The following PDZD2 variants were observed in gnomAD, a reference collection of about 807,000 sequenced individuals.
PDZD2 encodes the protein PDZ domain containing 2, also known as PDZ domain-containing protein 2.
PDZD2 carries 90 observed loss-of-function variants against 220.7 expected under a neutral mutation model. The observed-to-expected ratio is 0.41, with a 90% CI of 0.34 to 0.49. PDZD2 has a LOEUF of 0.49. Ranked by LOEUF, PDZD2 falls within the 20% of genes least tolerant of loss-of-function variation. The pLI, the probability that PDZD2 is intolerant of heterozygous loss-of-function variation, is 0.28. For synonymous variants in PDZD2, 1,375 were observed against 1,450.5 expected (o/e 0.95, Z 1.18); for missense variants, 3,174 against 3,608.5 (o/e 0.88, Z 3.08).
intron 1 of PDZD2, among the ~76,000 whole-genome samples, chr5:31,651,768 A>G (rs1052088581): frequency 6.6e-6 from 1 of 151,796 alleles, no homozygotes; most frequent in African/African-American, 2.4e-5. Flanking sequence ...AGTAGCTGGG[A>G]CTATAGTATG....
intron 2 of PDZD2, among the ~76,000 whole-genome samples, chr5:31,864,461 A>C (rs1738005874): frequency 6.6e-6 from 1 of 151,566 alleles, no homozygotes; most frequent in Non-Finnish European, 1.5e-5. Context: ...ATATAATCTT[A>C]ATTGTCATGC....
At chr5:31,678,584 T>G (rs1419003707) in intron 1 of PDZD2, among the ~76,000 whole-genome samples, 3 of 152,140 alleles carry the variant, frequency 2.0e-5, no homozygotes, top group Non-Finnish European at 4.4e-5. Context: ...CAGCACCCCC[T>G]ACAGCCTGGG....
At chr5:31,855,200 A>T in intron 2 of PDZD2, 5 of 788,726 alleles carry the variant, frequency 6.3e-6, no homozygotes, top group Non-Finnish European at 7.7e-6. Flanking sequence ...CGAAAGCCTC[A>T]GGTTTTCTGA....
intron 2 of PDZD2, among the ~76,000 whole-genome samples, chr5:31,843,016 C>A (rs537163629): frequency 2.3e-4 from 35 of 151,354 alleles, no homozygotes; most frequent in African/African-American, 8.5e-4. Context: ...CGAGTAGCTG[C>A]GATTACAGGC....
At chr5:31,644,026 T>A (rs565989572) in intron 1 of PDZD2, among the ~76,000 whole-genome samples, 31 of 151,782 alleles carry the variant, frequency 2.0e-4, no homozygotes, top group Non-Finnish European at 4.4e-4. Context: ...AGAGATGGGG[T>A]TTTACCATGT....
At chr5:31,903,637 C>T (rs1389385708) in intron 2 of PDZD2, among the ~76,000 whole-genome samples, 1 of 113,638 alleles carries the variant, frequency 8.8e-6, no homozygotes, top group Admixed American at 9.6e-5. Context: ...AGAGTGAGAC[C>T]CTGTCTCAAA....
intron 2 of PDZD2, among the ~76,000 whole-genome samples, chr5:31,908,103 A>G (rs970168439): frequency 3.3e-5 from 5 of 151,450 alleles, no homozygotes; most frequent in African/African-American, 9.7e-5. Flanking sequence ...AAAAAAAAAA[A>G]AAAAAGAAAG....
At chr5:31,988,230 G>A (rs886130740) in intron 3 of PDZD2, among the ~76,000 whole-genome samples, 10 of 152,158 alleles carry the variant, frequency 6.6e-5, no homozygotes, top group African/African-American at 1.4e-4. Flanking sequence ...CTTTGCCTTC[G>A]TGGTTGTTAC....
chr5:32,012,830 G>A (rs948413738), intron 6 of PDZD2, among the ~76,000 whole-genome samples: 1 of 151,262 alleles, frequency 6.6e-6, no homozygotes, highest in Non-Finnish European at 1.5e-5. Flanking sequence ...GTTATATAAT[G>A]TATTTTTATT....
intron 21 of PDZD2, among the ~76,000 whole-genome samples, chr5:32,095,235 C>G (rs774051012): frequency 6.6e-6 from 1 of 152,194 alleles, no homozygotes. Flanking sequence ...CTACTACTCA[C>G]GCTCACCACG....
At chr5:31,880,791 C>CTTTTTTTCTTTTTTT (rs1580978227) in intron 2 of PDZD2, among the ~76,000 whole-genome samples, 109 of 76,426 alleles carry the variant, frequency 1.4e-3, no homozygotes, top group African/African-American at 2.7e-3. Flanking sequence ...TTTTTTTTTT[C>CTTTTTTTCTTTTTTT]TTTTTTTTTT....
At chr5:32,072,945 G>C (rs183486991) in intron 17 of PDZD2, among the ~76,000 whole-genome samples, 8 of 152,192 alleles carry the variant, frequency 5.3e-5, no homozygotes, top group Admixed American at 5.2e-4. Flanking sequence ...TCCCTCACCA[G>C]GCCCTAGCTT....
intron 1 of PDZD2, among the ~76,000 whole-genome samples, chr5:31,683,706 C>A (rs983897874): frequency 3.9e-5 from 6 of 152,152 alleles, no homozygotes; most frequent in Non-Finnish European, 8.8e-5. Flanking sequence ...ATTTATTTAA[C>A]CAGTCTGCTG....
At chr5:31,658,702 C>A (rs1178619594) in intron 1 of PDZD2, among the ~76,000 whole-genome samples, 1 of 152,008 alleles carries the variant, frequency 6.6e-6, no homozygotes, top group Non-Finnish European at 1.5e-5. Context: ...TCACTGCAAC[C>A]TCTGCCTCCT....
At chr5:31,892,737 T>G (rs1233749867) in intron 2 of PDZD2, among the ~76,000 whole-genome samples, 1 of 144,046 alleles carries the variant, frequency 6.9e-6, no homozygotes, top group Non-Finnish European at 1.5e-5. Flanking sequence ...CCGGCTAATT[T>G]TTTGTATTGT....
At chr5:31,697,134 C>T (rs995293118) in intron 1 of PDZD2, among the ~76,000 whole-genome samples, 1 of 152,154 alleles carries the variant, frequency 6.6e-6, no homozygotes, top group Non-Finnish European at 1.5e-5. Flanking sequence ...TGTTTTCAGA[C>T]CATAGAAGCA....
chr5:31,776,993 G>A (rs7709277), intron 1 of PDZD2, among the ~76,000 whole-genome samples: 35,355 of 151,908 alleles, frequency 0.23, 5,031 homozygotes, highest in Middle Eastern at 0.34. Context: ...TCAGGCGTTC[G>A]CTCTGGCCAC....
chr5:31,722,496 A>G (rs1473555875), intron 1 of PDZD2, among the ~76,000 whole-genome samples: 1 of 152,204 alleles, frequency 6.6e-6, no homozygotes, highest in Non-Finnish European at 1.5e-5. Context: ...ATTTACAGCA[A>G]GCAGAAAATA....
At chr5:31,711,763 C>A (rs1184479648) in intron 1 of PDZD2, among the ~76,000 whole-genome samples, 2 of 152,144 alleles carry the variant, frequency 1.3e-5, no homozygotes, top group Admixed American at 6.5e-5. Flanking sequence ...TCCACGATTG[C>A]CCGTGGCTGG....
Sources: gnomAD v4.1 joint callset for allele counts (sites outside exome capture counted in the v4.1 genomes callset) on GRCh38, gnomAD v4.1.1 for gene constraint, MANE v1.5 for transcripts, NCBI Gene and HGNC (gene_info 2026-07-23, HGNC 2026-07-21) for gene names.